UVRAG: variants seen among roughly 807,000 people sequenced by gnomAD.
UVRAG encodes the protein UV radiation resistance-associated gene protein.
In UVRAG, 19 loss-of-function variants were observed where a neutral mutation model predicts 78.0. The ratio of observed to expected loss-of-function variants is 0.24; its 90% CI spans 0.17 to 0.36. The LOEUF (loss-of-function observed/expected upper bound fraction) is 0.36, where lower values mean the gene tolerates loss of function less well. Among genes scored for constraint, UVRAG ranks in the 10% least tolerant of loss-of-function variants. The pLI, the probability that UVRAG is intolerant of heterozygous loss-of-function variation, is 1.00. For synonymous variants in UVRAG, 323 were observed against 324.6 expected (o/e 1.00, Z 0.05); for missense variants, 740 against 853.8 (o/e 0.87, Z 1.66).
chr11:76,013,664 T>C (rs1950094748), intron 11 of UVRAG, among the ~76,000 whole-genome samples: 1 of 152,228 alleles, frequency 6.6e-6, no homozygotes, highest in Admixed American at 6.5e-5. Context: ...GGCAACAGAA[T>C]GTGACATCTG....
At chr11:76,074,904 A>C (rs1462201931) in intron 13 of UVRAG, among the ~76,000 whole-genome samples, 1 of 152,090 alleles carries the variant, frequency 6.6e-6, no homozygotes, top group African/African-American at 2.4e-5. Flanking sequence ...TTCCCCTTCA[A>C]GTTAAGACTT....
chr11:75,839,928 C>A (rs1359744167), intron 1 of UVRAG, among the ~76,000 whole-genome samples: 1 of 151,544 alleles, frequency 6.6e-6, no homozygotes, highest in Non-Finnish European at 1.5e-5. Context: ...ACCTGTTACC[C>A]CACTTCAATA....
chr11:75,827,054 TGAG>T (rs997988121), intron 1 of UVRAG, among the ~76,000 whole-genome samples: 6 of 152,080 alleles, frequency 3.9e-5, no homozygotes, highest in Admixed American at 6.6e-5. Flanking sequence ...TTGAAAATAA[TGAG>T]GAACACCAGG....
intron 9 of UVRAG, 23 bp from the exon 10 acceptor site, chr11:76,007,511 T>G (rs1166876215): frequency 6.4e-7 from 1 of 1,553,190 alleles, no homozygotes; most frequent in East Asian, 2.2e-5. Context: ...TTTTAATAAA[T>G]GTATTTTTTC....
chr11:75,915,617 G>C (rs746866595), intron 6 of UVRAG, among the ~76,000 whole-genome samples: 1 of 152,136 alleles, frequency 6.6e-6, no homozygotes, highest in African/African-American at 2.4e-5. Context: ...GTTGAGAAAA[G>C]TACGGGACTA....
intron 1 of UVRAG, among the ~76,000 whole-genome samples, chr11:75,846,741 C>T (rs1021540339): frequency 1.3e-5 from 2 of 152,040 alleles, no homozygotes; most frequent in Admixed American, 1.3e-4. Context: ...ATTCTGTTCT[C>T]GTCTGTTTGT....
intron 14 of UVRAG, among the ~76,000 whole-genome samples, chr11:76,116,486 G>T (rs185388801): frequency 6.6e-6 from 1 of 152,330 alleles, no homozygotes; most frequent in East Asian, 1.9e-4. Flanking sequence ...ATTCTGAAAT[G>T]TTTCTTGTGT....
At chr11:76,079,808 G>A (rs1214973583) in intron 13 of UVRAG, among the ~76,000 whole-genome samples, 1 of 152,122 alleles carries the variant, frequency 6.6e-6, no homozygotes, top group Non-Finnish European at 1.5e-5. Flanking sequence ...CTAACTTCCT[G>A]AAAACAGTTA....
chr11:76,036,143 C>T (rs551960201), intron 12 of UVRAG, among the ~76,000 whole-genome samples: 6 of 152,132 alleles, frequency 3.9e-5, no homozygotes, highest in Non-Finnish European at 8.8e-5. Flanking sequence ...ATGTTTAGTT[C>T]TCACTCCTGC....
At chr11:76,032,281 A>C (rs1045136536) in intron 12 of UVRAG, among the ~76,000 whole-genome samples, 1 of 152,182 alleles carries the variant, frequency 6.6e-6, no homozygotes, top group Non-Finnish European at 1.5e-5. Flanking sequence ...TTTAATCCAG[A>C]TAGTTTTAAC....
At chr11:75,978,892 C>T (rs538670469) in intron 7 of UVRAG, among the ~76,000 whole-genome samples, 5 of 152,194 alleles carry the variant, frequency 3.3e-5, no homozygotes, top group Non-Finnish European at 7.3e-5. Flanking sequence ...AGTCTTTCTC[C>T]GTCTAGCTTT....
At chr11:75,976,951 T>A (rs1170524117) in intron 7 of UVRAG, among the ~76,000 whole-genome samples, 2 of 152,208 alleles carry the variant, frequency 1.3e-5, no homozygotes, top group Non-Finnish European at 2.9e-5. Flanking sequence ...GTTCTTTTAA[T>A]TGTGATGTTA....
chr11:75,867,462 G>A (rs1015143352), intron 3 of UVRAG, among the ~76,000 whole-genome samples: 7 of 152,118 alleles, frequency 4.6e-5, no homozygotes, highest in Non-Finnish European at 7.4e-5. Context: ...TTTTTGGGAC[G>A]TATTTGTGGT....
At chr11:75,842,563 T>A (rs536384512) in intron 1 of UVRAG, among the ~76,000 whole-genome samples, 1 of 151,226 alleles carries the variant, frequency 6.6e-6, no homozygotes, top group Non-Finnish European at 1.5e-5. Flanking sequence ...TGCCTCAGCC[T>A]CCCGAGTACT....
chr11:75,827,241 A>G (rs191503063), intron 1 of UVRAG, among the ~76,000 whole-genome samples: 1 of 152,154 alleles, frequency 6.6e-6, no homozygotes, highest in East Asian at 1.9e-4. Flanking sequence ...TATACTCTTT[A>G]ACATGAGTGT....
intron 12 of UVRAG, among the ~76,000 whole-genome samples, chr11:76,060,878 C>G (rs1356214876): frequency 6.6e-6 from 1 of 152,248 alleles, no homozygotes; most frequent in Non-Finnish European, 1.5e-5. Context: ...TGGCCCAAGC[C>G]TCCCCGACGA....
chr11:75,852,075 T>C lies in UVRAG; in HGVS notation c.235+75T>C, dbSNP rs548637308. The C allele has an allele frequency of 2.9e-6, 3 of 1,036,666 alleles. No homozygotes were observed. The East Asian group carries it at 7.5e-5, about 26-fold the overall frequency. 64.2% of individuals were successfully genotyped at this position (1,036,666 alleles called of 1,614,324 possible). A position where few individuals can be genotyped will look rare whatever the true frequency, so the allele number is the denominator to read the frequency against. On this transcript the variant is annotated intron_variant, in intron 2 of 14. Coordinates refer to ENST00000356136, the MANE Select transcript of UVRAG (RefSeq NM_003369.4). The stretch of plus-strand genomic sequence containing the variant: ...TTTTTGTAACACAAGTGATTCTCAG[T>C]GCCTCCTGCTTTTGTGGCTTCTCGG...
intron 1 of UVRAG, among the ~76,000 whole-genome samples, chr11:75,844,525 T>C (rs2134711240): frequency 6.6e-6 from 1 of 152,130 alleles, no homozygotes; most frequent in East Asian, 1.9e-4. Flanking sequence ...GTGCCCGGCC[T>C]AAAGCAGCTT....
At chr11:75,994,440 GCA>G (rs1949668458) in intron 8 of UVRAG, among the ~76,000 whole-genome samples, 1 of 152,052 alleles carries the variant, frequency 6.6e-6, no homozygotes, top group Admixed American at 6.6e-5. Context: ...CCCAAATTCA[GCA>G]CAGATTTCAA....
Sources: gnomAD v4.1 joint callset for allele counts (sites outside exome capture counted in the v4.1 genomes callset) on GRCh38, gnomAD v4.1.1 for gene constraint, MANE v1.5 for transcripts, NCBI Gene and HGNC (gene_info 2026-07-23, HGNC 2026-07-21) for gene names.